DPP10: variants seen among roughly 807,000 people sequenced by gnomAD.
DPP10 encodes the protein inactive dipeptidyl peptidase 10.
DPP10 carries 33 observed loss-of-function variants against 120.9 expected under a neutral mutation model. That is an observed-to-expected ratio of 0.27 (90% confidence interval 0.21 to 0.37). The LOEUF is 0.37. Ranked by LOEUF, DPP10 falls within the 10% of genes least tolerant of loss-of-function variation. The probability of loss-of-function intolerance (pLI) is 1.00; values close to 1 mark genes in which losing one functional copy is unlikely to be tolerated. For missense variants in DPP10, 816 were observed against 942.8 expected (o/e 0.87, Z 1.76); for synonymous variants, 337 against 326.1 (o/e 1.03, Z -0.36).
chr2:115,283,254 A>G (rs2060234254), intron 1 of DPP10, among the ~76,000 whole-genome samples: 1 of 152,012 alleles, frequency 6.6e-6, no homozygotes, highest in African/African-American at 2.4e-5. Context: ...TATAATAAAA[A>G]TATTACCACC....
intron 2 of DPP10, among the ~76,000 whole-genome samples, chr2:115,341,134 G>C (rs1299346496): frequency 2.0e-5 from 3 of 152,102 alleles, no homozygotes; most frequent in African/African-American, 7.2e-5. Flanking sequence ...CTGGAATTAA[G>C]ATATTTTTTC....
At chr2:115,824,623 C>T (rs926924863) in intron 21 of DPP10, among the ~76,000 whole-genome samples, 8 of 152,264 alleles carry the variant, frequency 5.3e-5, no homozygotes, top group Non-Finnish European at 1.2e-4. Flanking sequence ...CTTCCAGCTT[C>T]ATCAATGTCC....
At chr2:114,941,352 C>A (rs1458879334) in intron 1 of DPP10, among the ~76,000 whole-genome samples, 1 of 152,084 alleles carries the variant, frequency 6.6e-6, no homozygotes, top group Non-Finnish European at 1.5e-5. Context: ...CAATTGGATA[C>A]CATTCAGTTC....
At chr2:115,411,719 A>G (rs2068971318) in intron 3 of DPP10, among the ~76,000 whole-genome samples, 1 of 152,192 alleles carries the variant, frequency 6.6e-6, no homozygotes, top group African/African-American at 2.4e-5. Context: ...TCTTTATTGA[A>G]ATAAGATTTT....
chr2:114,613,139 A>C (rs1236649021), intron 1 of DPP10, among the ~76,000 whole-genome samples: 1 of 152,190 alleles, frequency 6.6e-6, no homozygotes, highest in Non-Finnish European at 1.5e-5. Flanking sequence ...AATTGAATTT[A>C]TGGTAAAATA....
chr2:115,261,127 AAAC>A (rs1218241890), intron 1 of DPP10, among the ~76,000 whole-genome samples: 3 of 152,192 alleles, frequency 2.0e-5, no homozygotes, highest in South Asian at 2.1e-4. Flanking sequence ...GCTGAAGAAA[AAAC>A]AACAACAAGA....
At chr2:114,819,407 C>T (rs1250912096) in intron 1 of DPP10, among the ~76,000 whole-genome samples, 2 of 152,098 alleles carry the variant, frequency 1.3e-5, no homozygotes, top group Admixed American at 6.5e-5. Context: ...TAAGTTGTCC[C>T]TAAAGCCCTC....
chr2:115,350,621 G>C (rs2063964132), intron 3 of DPP10, among the ~76,000 whole-genome samples: 1 of 152,120 alleles, frequency 6.6e-6, no homozygotes, highest in Admixed American at 6.6e-5. Flanking sequence ...AGAGGAGCGT[G>C]AGGTTACTGA....
At chr2:115,729,908 A>G (rs941093617) in intron 8 of DPP10, among the ~76,000 whole-genome samples, 1 of 152,186 alleles carries the variant, frequency 6.6e-6, no homozygotes, top group Non-Finnish European at 1.5e-5. Flanking sequence ...AGATGTAACA[A>G]TTTGCAAAAA....
In DPP10 at chr2:114,719,793, C is replaced by A. The variant is rs1038060309; in HGVS notation, c.60+276955C>A. 3.3e-5 allele frequency among the ~76,000 whole-genome samples: 5 copies of A among 152,220 alleles called. No homozygotes were observed. In the East Asian group the frequency reaches 9.7e-4, roughly 29 times the overall value. On this transcript the variant is annotated intron_variant, in intron 1 of 25. Coordinates refer to ENST00000410059, the MANE Select transcript of DPP10 (RefSeq NM_020868.6). ...AATGGGGTATAAATGGCTATATATT[C>A]TTCTTCTTAGGGAAAGGAGATGAAG...
chr2:114,913,210 G>C (rs1203330297), intron 1 of DPP10, among the ~76,000 whole-genome samples: 1 of 152,166 alleles, frequency 6.6e-6, no homozygotes, highest in Non-Finnish European at 1.5e-5. Context: ...CCACCAGCTA[G>C]TACCCATGCA....
At chr2:114,792,920 T>G (rs1683371494) in intron 1 of DPP10, among the ~76,000 whole-genome samples, 1 of 151,972 alleles carries the variant, frequency 6.6e-6, no homozygotes, top group African/African-American at 2.4e-5. Flanking sequence ...TTCACTGTAA[T>G]AACTCATAGC....
At chr2:114,996,843 G>A (rs533895756) in intron 1 of DPP10, among the ~76,000 whole-genome samples, 3 of 152,016 alleles carry the variant, frequency 2.0e-5, no homozygotes, top group Admixed American at 1.3e-4. Flanking sequence ...TTAGCTGGGC[G>A]TGGTGGCGCA....
At chr2:115,525,551 T>C (rs1038416122) in intron 4 of DPP10, among the ~76,000 whole-genome samples, 2 of 152,076 alleles carry the variant, frequency 1.3e-5, no homozygotes, top group Non-Finnish European at 2.9e-5. Flanking sequence ...TCTTTTCCTT[T>C]TGATTAATCT....
At chr2:114,826,413 C>CA (rs1474240291) in intron 1 of DPP10, among the ~76,000 whole-genome samples, 2 of 152,142 alleles carry the variant, frequency 1.3e-5, no homozygotes, top group Non-Finnish European at 2.9e-5. Context: ...TGGAAAAGGT[C>CA]ATGCCTGACA....
intron 10 of DPP10, among the ~76,000 whole-genome samples, chr2:115,748,959 A>T (rs374169848): frequency 1.6e-4 from 25 of 152,140 alleles, no homozygotes; most frequent in East Asian, 1.2e-3. Flanking sequence ...TTCAGTTCAG[A>T]CTCATCTCAT....
At chr2:114,499,542 A>C (rs1682976101) in intron 1 of DPP10, among the ~76,000 whole-genome samples, 1 of 152,034 alleles carries the variant, frequency 6.6e-6, no homozygotes, top group Admixed American at 6.6e-5. Context: ...ATCTCCCAAT[A>C]AAATGTTAGC....
chr2:114,786,625 A>T (rs564903899), intron 1 of DPP10, among the ~76,000 whole-genome samples: 1 of 152,368 alleles, frequency 6.6e-6, no homozygotes, highest in Non-Finnish European at 1.5e-5. Flanking sequence ...AGAAATTATC[A>T]GGTAGAAAAA....
intron 8 of DPP10, among the ~76,000 whole-genome samples, chr2:115,731,757 C>T (rs911259571): frequency 2.0e-5 from 3 of 152,192 alleles, no homozygotes; most frequent in African/African-American, 7.2e-5. Flanking sequence ...TGATCTGTTT[C>T]CTCAGCCAAA....
Sources: gnomAD v4.1 joint callset for allele counts (sites outside exome capture counted in the v4.1 genomes callset) on GRCh38, gnomAD v4.1.1 for gene constraint, MANE v1.5 for transcripts, NCBI Gene and HGNC (gene_info 2026-07-23, HGNC 2026-07-21) for gene names.